The following RMDN2 variants were observed in gnomAD, a reference collection of about 807,000 sequenced individuals.
RMDN2 encodes the protein regulator of microtubule dynamics protein 2.
A neutral mutation model predicts 52.8 loss-of-function variants in RMDN2; 61 were observed. The ratio of observed to expected loss-of-function variants is 1.16; its 90% CI spans 0.94 to 1.43. The LOEUF (loss-of-function observed/expected upper bound fraction) is 1.43, where lower values mean the gene tolerates loss of function less well. Ranked by LOEUF, RMDN2 falls within the 40% of genes most tolerant of loss-of-function variation. The pLI, the probability that RMDN2 is intolerant of heterozygous loss-of-function variation, is 0.00. For synonymous variants in RMDN2, 180 were observed against 153.1 expected (o/e 1.18, Z -1.30); for missense variants, 592 against 475.3 (o/e 1.25, Z -2.28).
intron 10 of RMDN2, among the ~76,000 whole-genome samples, chr2:38,028,431 TGAAAG>T (rs1271018086): frequency 1.3e-5 from 2 of 152,268 alleles, no homozygotes; most frequent in African/African-American, 4.8e-5. Flanking sequence ...TATTTTCTAT[TGAAAG>T]GATAGAGGAT....
chr2:37,929,065 G>T, intron 1 of RMDN2, 197 bp from the exon 2 acceptor site: 2 of 431,878 alleles, frequency 4.6e-6, no homozygotes, highest in Admixed American at 4.1e-5. Context: ...AACTTAATAT[G>T]ATAATTCTTC....
At chr2:38,012,609 C>A in intron 10 of RMDN2, 2 of 468,076 alleles carry the variant, frequency 4.3e-6, no homozygotes, top group South Asian at 3.1e-5. Context: ...TCAGTGATGT[C>A]TCCATTTGTA....
chr2:38,005,572 G>T, intron 10 of RMDN2, among the ~76,000 whole-genome samples: 1 of 152,128 alleles, frequency 6.6e-6, no homozygotes, highest in Non-Finnish European at 1.5e-5. Context: ...TTGTAAATTT[G>T]TTTGAGTTCA....
intron 10 of RMDN2, among the ~76,000 whole-genome samples, chr2:38,045,958 G>A (rs965202886): frequency 2.6e-5 from 4 of 152,168 alleles, no homozygotes; most frequent in African/African-American, 9.7e-5. Flanking sequence ...TCTTGGTTCA[G>A]GCAAGCAACA....
intron 10 of RMDN2, among the ~76,000 whole-genome samples, chr2:38,050,652 T>A (rs574948352): frequency 3.9e-5 from 6 of 152,282 alleles, no homozygotes; most frequent in African/African-American, 1.4e-4. Flanking sequence ...TAAAAGTTGG[T>A]TGAGAGAAGA....
intron 8 of RMDN2, among the ~76,000 whole-genome samples, chr2:37,999,337 G>A (rs1298367168): frequency 1.3e-5 from 2 of 152,130 alleles, no homozygotes; most frequent in African/African-American, 4.8e-5. Flanking sequence ...GGTGTTGTAA[G>A]GATTATCTAC....
In RMDN2 at chr2:38,004,188, C is replaced by T. The variant is rs746831437; in HGVS notation, c.1151C>T (p.Ala384Val). The T allele has an allele frequency of 6.8e-6, 11 of 1,613,660 alleles. No homozygotes were observed. The South Asian group carries it at 1.1e-4, about 16-fold the overall frequency. ...AATGCTTTGAAGTTCTGTAATTTGG[C>T]TTTATTGCTTCCTACTGTTACCAAA... ...NQNALKFCNL[A>V]LLLPTVTKED... is the part of the protein sequence containing the mutation. Residue 384 changes from alanine to valine, a missense_variant, in exon 10 of 11, where the codon GCT becomes GTT. Transcript: ENST00000354545.
intron 10 of RMDN2, among the ~76,000 whole-genome samples, chr2:38,066,061 A>G (rs1302113382): frequency 1.3e-5 from 2 of 152,342 alleles, no homozygotes; most frequent in South Asian, 4.1e-4. Context: ...GGGTACAAAG[A>G]TAATGGGCTT....
At chr2:38,006,825 G>A (rs1407625872) in intron 10 of RMDN2, among the ~76,000 whole-genome samples, 1 of 152,204 alleles carries the variant, frequency 6.6e-6, no homozygotes, top group East Asian at 1.9e-4. Flanking sequence ...CATTCCGTAC[G>A]ATACTGGCTG....
At chr2:38,029,098 C>T (rs547069023) in intron 10 of RMDN2, among the ~76,000 whole-genome samples, 7 of 152,256 alleles carry the variant, frequency 4.6e-5, no homozygotes, top group African/African-American at 1.7e-4. Context: ...TTCACAAGGC[C>T]TACAGTATAA....
At chr2:37,957,200 TTTCTAG>T (rs1558469139) in intron 2 of RMDN2, among the ~76,000 whole-genome samples, 1 of 152,200 alleles carries the variant, frequency 6.6e-6, no homozygotes, top group Non-Finnish European at 1.5e-5. Context: ...GTCAAATGTA[TTTCTAG>T]TTCTAGATCC....
At chr2:38,036,121 C>G (rs1462754450) in intron 10 of RMDN2, 3 of 152,064 alleles carry the variant, frequency 2.0e-5, no homozygotes, top group Admixed American at 6.5e-5. Flanking sequence ...TAAAGAGATG[C>G]CTATGATATA....
intron 10 of RMDN2, among the ~76,000 whole-genome samples, chr2:38,052,228 A>C (rs986530129): frequency 6.6e-6 from 1 of 152,116 alleles, no homozygotes; most frequent in African/African-American, 2.4e-5. Flanking sequence ...TGGTAAGATG[A>C]TATCTCATGG....
chr2:37,956,844 C>T (rs1669541384), intron 2 of RMDN2, among the ~76,000 whole-genome samples: 1 of 151,990 alleles, frequency 6.6e-6, no homozygotes, highest in South Asian at 2.1e-4. Flanking sequence ...TGTGATGTTC[C>T]CCTCCCTATG....
intron 2 of RMDN2, among the ~76,000 whole-genome samples, chr2:37,956,912 T>TTTC (rs1213662931): frequency 1.3e-5 from 2 of 152,152 alleles, no homozygotes; most frequent in East Asian, 3.9e-4. Context: ...AGTGTTTGGT[T>TTTC]TTCTGTTCCT....
intron 7 of RMDN2, among the ~76,000 whole-genome samples, chr2:37,993,155 C>T (rs188544228): frequency 1.3e-5 from 2 of 152,198 alleles, no homozygotes; most frequent in East Asian, 3.9e-4. Flanking sequence ...ACACTCCTGG[C>T]CTCAAATGAT....
chr2:38,034,074 A>T lies in RMDN2; in HGVS notation c.1713+29858A>T, dbSNP rs1345214115. Among the ~76,000 whole-genome samples, 10 of 152,210 alleles carry T rather than the reference A, an allele frequency of 6.6e-5. No individual in the cohort carries two copies. The East Asian group carries it at 1.7e-3, about 26-fold the overall frequency. On this transcript the variant is annotated intron_variant, in intron 10 of 10. Transcript: ENST00000234195. The stretch of plus-strand genomic sequence containing the variant: ...TAGTGTTTCTTTACTTTTCAGAATC[A>T]TCTACTCAGAAAGACTTCTAGCAGT...
intron 10 of RMDN2, among the ~76,000 whole-genome samples, chr2:38,061,646 C>CACACACATATACACAT (rs1682056543): frequency 6.7e-6 from 1 of 149,828 alleles, no homozygotes; most frequent in East Asian, 2.0e-4. Context: ...CACACACACA[C>CACACACATATACACAT]ACACACATAC....
At chr2:37,947,320 T>G (rs1668303158) in intron 2 of RMDN2, among the ~76,000 whole-genome samples, 2 of 152,150 alleles carry the variant, frequency 1.3e-5, no homozygotes. Flanking sequence ...TCTGAGTTAT[T>G]CAGTGAATTA....
Sources: allele counts gnomAD v4.1 joint callset (sites outside exome capture counted in the v4.1 genomes callset), GRCh38; gene constraint gnomAD v4.1.1; transcripts MANE v1.5; gene names NCBI Gene and HGNC (gene_info 2026-07-23, HGNC 2026-07-21).